Variants in TDRD3 observed in about 807,000 individuals in gnomAD.
TDRD3 encodes the protein tudor domain-containing protein 3.
TDRD3 carries 45 observed loss-of-function variants against 86.7 expected under a neutral mutation model. That is an observed-to-expected ratio of 0.52 (90% confidence interval 0.41 to 0.67). The LOEUF (loss-of-function observed/expected upper bound fraction) is 0.67, where lower values mean the gene tolerates loss of function less well. Ranked by LOEUF, TDRD3 falls within the 30% of genes least tolerant of loss-of-function variation. TDRD3 has a pLI of 0.00. For missense variants in TDRD3, 814 were observed against 889.0 expected (o/e 0.92, Z 1.07); for synonymous variants, 298 against 301.7 (o/e 0.99, Z 0.13).
chr13:60,453,166 C>T (rs1373102427), intron 3 of TDRD3, among the ~76,000 whole-genome samples: 1 of 152,064 alleles, frequency 6.6e-6, no homozygotes, highest in Non-Finnish European at 1.5e-5. Context: ...TATGACAATA[C>T]ACATGAATAA....
intron 3 of TDRD3, among the ~76,000 whole-genome samples, chr13:60,446,699 A>G (rs1283869309): frequency 6.6e-6 from 1 of 152,182 alleles, no homozygotes; most frequent in South Asian, 2.1e-4. Flanking sequence ...AAAAATCCAT[A>G]TGTTATATAA....
At chr13:60,499,037 C>T (rs1177579124) in intron 8 of TDRD3, among the ~76,000 whole-genome samples, 1 of 152,144 alleles carries the variant, frequency 6.6e-6, no homozygotes, top group African/African-American at 2.4e-5. Flanking sequence ...CACACTGGCT[C>T]CCTGACTGGT....
At chr13:60,415,215 C>A (rs1456792703) in intron 1 of TDRD3, among the ~76,000 whole-genome samples, 4 of 152,026 alleles carry the variant, frequency 2.6e-5, no homozygotes, top group Non-Finnish European at 4.4e-5. Context: ...TTACAATATT[C>A]ATTGCCATTC....
intron 3 of TDRD3, among the ~76,000 whole-genome samples, chr13:60,445,610 A>G (rs376613990): frequency 6.6e-6 from 1 of 152,172 alleles, no homozygotes; most frequent in African/African-American, 2.4e-5. Flanking sequence ...CTCTACTCCC[A>G]TCTGAGTTTC....
chr13:60,573,847 C>T lies in TDRD3; in HGVS notation c.*241C>T, dbSNP rs546040067. The T allele has an allele frequency of 1.5e-3, 256 of 166,590 alleles. No individual in the cohort carries two copies. The highest frequency in any genetic ancestry group is 2.6e-3 in the Non-Finnish European group (208 of 81,308). 10.3% of individuals were successfully genotyped at this position (166,590 alleles called of 1,614,324 possible). A position where few individuals can be genotyped will look rare whatever the true frequency, so the allele number is the denominator to read the frequency against. Reference sequence around the variant, plus strand: ...GTGAAAGGAAGAATTTTTCTTCTGCCGTCAATAAAACCATTGTGCTATTAT... The same window carrying T: ...GTGAAAGGAAGAATTTTTCTTCTGCTGTCAATAAAACCATTGTGCTATTAT... On this transcript the variant is annotated 3_prime_UTR_variant, in exon 14 of 14. Transcript: ENST00000377881.
intron 1 of TDRD3, among the ~76,000 whole-genome samples, chr13:60,407,996 T>A (rs544648881): frequency 6.6e-6 from 1 of 152,210 alleles, no homozygotes; most frequent in South Asian, 2.1e-4. Flanking sequence ...GGGTTTCCGC[T>A]TTTGTTTCTT....
intron 3 of TDRD3, among the ~76,000 whole-genome samples, chr13:60,459,401 T>C (rs1955754509): frequency 6.6e-6 from 1 of 152,226 alleles, no homozygotes; most frequent in Admixed American, 6.5e-5. Flanking sequence ...GCTCTAAGTA[T>C]ATTTGTTTTA....
intron 1 of TDRD3, among the ~76,000 whole-genome samples, chr13:60,417,290 A>G (rs1490089241): frequency 6.6e-6 from 1 of 151,706 alleles, no homozygotes; most frequent in Non-Finnish European, 1.5e-5. Context: ...TGCTCGGATT[A>G]CAGGTGTGAG....
At chr13:60,514,312 A>C (rs1346801335) in intron 10 of TDRD3, among the ~76,000 whole-genome samples, 2 of 152,192 alleles carry the variant, frequency 1.3e-5, no homozygotes, top group Admixed American at 1.3e-4. Context: ...TTGCTGTTAA[A>C]GGCATTCAGT....
chr13:60,439,794 G>A (rs904926135), intron 2 of TDRD3, 22 bp downstream of exon 2: 20 of 1,446,394 alleles, frequency 1.4e-5, no homozygotes, highest in Admixed American at 2.6e-5. Flanking sequence ...TTATTAACTT[G>A]TAAACATTTG....
At chr13:60,418,181 C>G (rs1954571948) in intron 1 of TDRD3, among the ~76,000 whole-genome samples, 1 of 152,070 alleles carries the variant, frequency 6.6e-6, no homozygotes, top group Admixed American at 6.6e-5. Flanking sequence ...CTAACAAGAC[C>G]AACTTGCTTG....
At chr13:60,411,673 A>G (rs1368264315) in intron 1 of TDRD3, among the ~76,000 whole-genome samples, 2 of 152,240 alleles carry the variant, frequency 1.3e-5, no homozygotes, top group East Asian at 1.9e-4. Context: ...TTAAGGACCC[A>G]GGTTCCTTTC....
At chr13:60,428,640 A>T (rs945914306) in intron 1 of TDRD3, among the ~76,000 whole-genome samples, 2 of 152,190 alleles carry the variant, frequency 1.3e-5, no homozygotes, top group Non-Finnish European at 2.9e-5. Context: ...GTGAAAAGTG[A>T]TTTTTAGGGG....
chr13:60,400,775 T>C (rs916082524), intron 1 of TDRD3, among the ~76,000 whole-genome samples: 11 of 151,330 alleles, frequency 7.3e-5, no homozygotes, highest in Admixed American at 2.0e-4. Context: ...GGAATTAATG[T>C]TGCATAGCTT....
At chr13:60,525,914 G>T (rs1428113000) in intron 10 of TDRD3, among the ~76,000 whole-genome samples, 1 of 152,182 alleles carries the variant, frequency 6.6e-6, no homozygotes, top group African/African-American at 2.4e-5. Flanking sequence ...TAGTTCTCCA[G>T]TATAGTTCCA....
In TDRD3 at chr13:60,494,582, C is replaced by T; in HGVS notation, c.858+7C>T. On this transcript the variant is annotated splice_region_variant and intron_variant, in intron 8 of 13. Transcript: ENST00000377881. ...AGGTGTCTATAGAGAACTGGTAAGG[C>T]TAAAGAACTAACCACAAATTTAAAG... The T allele has an allele frequency of 6.2e-7, 1 of 1,606,864 alleles. No homozygotes were observed. Among genetic ancestry groups the T allele is most frequent in the Non-Finnish European group, 8.5e-7 (1 of 1,177,260 alleles).
At chr13:60,410,112 A>G (rs1182103726) in intron 1 of TDRD3, among the ~76,000 whole-genome samples, 1 of 152,160 alleles carries the variant, frequency 6.6e-6, no homozygotes, top group African/African-American at 2.4e-5. Context: ...CCATGAAAGA[A>G]GTGCCTTTCA....
At chr13:60,426,643 C>A (rs1299569655) in intron 1 of TDRD3, among the ~76,000 whole-genome samples, 1 of 151,900 alleles carries the variant, frequency 6.6e-6, no homozygotes, top group Non-Finnish European at 1.5e-5. Flanking sequence ...AAAGTTGCCC[C>A]CATTAGAGTT....
At chr13:60,481,439 T>C (rs1440543771) in intron 5 of TDRD3, among the ~76,000 whole-genome samples, 5 of 151,840 alleles carry the variant, frequency 3.3e-5, no homozygotes, top group Non-Finnish European at 7.4e-5. Flanking sequence ...TATTCATTTT[T>C]TTACCCTAGG....
Sources: gnomAD v4.1 joint callset for allele counts (sites outside exome capture counted in the v4.1 genomes callset) on GRCh38, gnomAD v4.1.1 for gene constraint, MANE v1.5 for transcripts, NCBI Gene and HGNC (gene_info 2026-07-23, HGNC 2026-07-21) for gene names.